ANO4: variants seen among roughly 807,000 people sequenced by gnomAD.
ANO4 encodes anoctamin 4.
Under a neutral mutation model 141.9 loss-of-function variants are expected in ANO4, and 69 were observed. The ratio of observed to expected loss-of-function variants is 0.49; its 90% CI spans 0.40 to 0.59. The LOEUF is 0.59. Ranked by LOEUF, ANO4 falls within the 20% of genes least tolerant of loss-of-function variation. The pLI, the probability that ANO4 is intolerant of heterozygous loss-of-function variation, is 0.00. For synonymous variants in ANO4, 350 were observed against 394.3 expected (o/e 0.89, Z 1.33); for missense variants, 894 against 1,162.2 (o/e 0.77, Z 3.36).
chr12:101,086,976 C>A, intron 17 of ANO4, 152 bp downstream of exon 17: 2 of 903,538 alleles, frequency 2.2e-6, no homozygotes, highest in Non-Finnish European at 3.3e-6. Context: ...CATGAAGATG[C>A]ACTTGGGTCT....
At chr12:100,783,152 G>A (rs139406281) in intron 3 of ANO4, among the ~76,000 whole-genome samples, 6 of 152,220 alleles carry the variant, frequency 3.9e-5, no homozygotes, top group African/African-American at 9.6e-5. Flanking sequence ...ACGGTACAAT[G>A]AGGAGTATGA....
chr12:101,041,975 G>A (rs893402958), intron 11 of ANO4, among the ~76,000 whole-genome samples: 1 of 151,960 alleles, frequency 6.6e-6, no homozygotes, highest in Non-Finnish European at 1.5e-5. Flanking sequence ...CTCTCGAATC[G>A]GGCCCCACCT....
chr12:101,013,467 T>TG (rs1030726269), intron 8 of ANO4, among the ~76,000 whole-genome samples: 14 of 152,152 alleles, frequency 9.2e-5, no homozygotes, highest in Admixed American at 3.9e-4. Flanking sequence ...CACATAGTCC[T>TG]GTAGGGCACT....
intron 3 of ANO4, among the ~76,000 whole-genome samples, chr12:100,755,729 A>G (rs1427525919): frequency 6.6e-6 from 1 of 152,132 alleles, no homozygotes; most frequent in East Asian, 1.9e-4. Flanking sequence ...CACCTGCTTA[A>G]CCCAAATATT....
At chr12:100,756,655 G>GT (rs1157471178) in intron 3 of ANO4, among the ~76,000 whole-genome samples, 1 of 152,016 alleles carries the variant, frequency 6.6e-6, no homozygotes, top group African/African-American at 2.4e-5. Flanking sequence ...GCCTCAACTT[G>GT]TTTTTTTCAC....
At chr12:100,957,776 C>T (rs1280628237) in intron 5 of ANO4, among the ~76,000 whole-genome samples, 1 of 152,174 alleles carries the variant, frequency 6.6e-6, no homozygotes, top group Non-Finnish European at 1.5e-5. Flanking sequence ...ACTTTCCAGC[C>T]TGCAGAACTA....
At chr12:100,992,866 G>C (rs2045203188) in intron 8 of ANO4, among the ~76,000 whole-genome samples, 1 of 152,110 alleles carries the variant, frequency 6.6e-6, no homozygotes, top group Non-Finnish European at 1.5e-5. Flanking sequence ...TAACTGCACT[G>C]TACAAAAATA....
At chr12:100,991,513 T>TAAAA (rs59975425) in intron 8 of ANO4, among the ~76,000 whole-genome samples, 14,939 of 110,598 alleles carry the variant, frequency 0.14, 1,083 homozygotes, top group East Asian at 0.22. Flanking sequence ...ATGAAAATAG[T>TAAAA]AAAAAAAAAA....
intron 22 of ANO4, among the ~76,000 whole-genome samples, chr12:101,107,645 G>T (rs1395602339): frequency 2.6e-5 from 4 of 152,140 alleles, no homozygotes; most frequent in Non-Finnish European, 4.4e-5. Flanking sequence ...GGTGTATTTG[G>T]ACATGAGGCT....
At chr12:101,048,518 C>A in intron 14 of ANO4, 117 bp downstream of exon 14, 1 of 858,760 alleles carries the variant, frequency 1.2e-6, no homozygotes, top group Non-Finnish European at 1.8e-6. Flanking sequence ...AATTAGCTTT[C>A]CTATTAGTAG....
chr12:100,919,435 A>G (rs568207689), intron 2 of ANO4, among the ~76,000 whole-genome samples: 8 of 152,244 alleles, frequency 5.3e-5, no homozygotes, highest in African/African-American at 1.9e-4. Flanking sequence ...TTGTTTAGGT[A>G]TTCAAATACC....
At chr12:100,757,104 T>C (rs1333725395) in intron 3 of ANO4, among the ~76,000 whole-genome samples, 1 of 152,150 alleles carries the variant, frequency 6.6e-6, no homozygotes, top group East Asian at 1.9e-4. Flanking sequence ...TTCTGCATTT[T>C]CCAGAAGGGA....
At chr12:101,065,956 C>T (rs917948399) in intron 14 of ANO4, among the ~76,000 whole-genome samples, 1 of 152,168 alleles carries the variant, frequency 6.6e-6, no homozygotes, top group Non-Finnish European at 1.5e-5. Context: ...GATGGTTCAA[C>T]ATATGCAAGT....
At position 100,970,676 on chromosome 12, in the gene ANO4, T is replaced by G. The variant is rs921162209; in HGVS notation, c.457-630T>G. Among the ~76,000 whole-genome samples the G allele has an allele frequency of 1.3e-3, 80 of 61,654 alleles. 1 individual carries two copies. Among genetic ancestry groups the G allele is most frequent in the African/African-American group, 3.1e-3 (27 of 8,588 alleles). The allele number at this position is 61,654 out of a possible 152,430, so 40.4% of individuals were successfully genotyped here. A position where few individuals can be genotyped will look rare whatever the true frequency, so the allele number is the denominator to read the frequency against. On this transcript the variant is annotated intron_variant, in intron 5 of 27. Coordinates refer to ENST00000392977, the MANE Select transcript of ANO4 (RefSeq NM_001286615.2). ...CCCTCCCTCCCTCTCCTTCCTTCCT[T>G]CCTTCCTTCCTTCCTTCCTTCCTTC...
At chr12:100,868,504 A>C (rs1370772460) in intron 1 of ANO4, among the ~76,000 whole-genome samples, 5 of 152,090 alleles carry the variant, frequency 3.3e-5, no homozygotes, top group Admixed American at 2.6e-4. Context: ...GGTTTGTTTC[A>C]TTTACCTTAT....
chr12:101,077,156 A>G (rs559039542), intron 14 of ANO4, among the ~76,000 whole-genome samples: 11 of 152,326 alleles, frequency 7.2e-5, no homozygotes, highest in Admixed American at 2.0e-4. Context: ...CCAGCCCCCA[A>G]TAAAAACCCT....
intron 3 of ANO4, among the ~76,000 whole-genome samples, chr12:100,743,965 C>T (rs1044914124): frequency 2.6e-5 from 4 of 152,092 alleles, no homozygotes; most frequent in African/African-American, 9.7e-5. Context: ...CTTCCATCAC[C>T]ACTACCACCT....
intron 1 of ANO4, among the ~76,000 whole-genome samples, chr12:100,866,621 G>T (rs1037771079): frequency 1.3e-5 from 2 of 152,164 alleles, no homozygotes; most frequent in Admixed American, 6.6e-5. Flanking sequence ...CTACCTAGGG[G>T]CTGTCTTTGC....
At chr12:101,068,707 G>C (rs937832587) in intron 14 of ANO4, 3 of 1,292,852 alleles carry the variant, frequency 2.3e-6, no homozygotes, top group Admixed American at 1.7e-5. Context: ...TTGTGTGAAA[G>C]CTGACAAAAT....
Sources: allele counts gnomAD v4.1 joint callset (sites outside exome capture counted in the v4.1 genomes callset), GRCh38; gene constraint gnomAD v4.1.1; transcripts MANE v1.5; gene names NCBI Gene and HGNC (gene_info 2026-07-23, HGNC 2026-07-21).